The following PALLD variants were observed in gnomAD, a reference collection of about 807,000 sequenced individuals.
The protein encoded by PALLD is palladin.
Under a neutral mutation model 123.5 loss-of-function variants are expected in PALLD, and 61 were observed. The observed-to-expected ratio is 0.49, with a 90% CI of 0.40 to 0.61. PALLD has a LOEUF of 0.61. Ranked by LOEUF, PALLD falls within the 20% of genes least tolerant of loss-of-function variation. The pLI, the probability that PALLD is intolerant of heterozygous loss-of-function variation, is 0.00. For synonymous variants in PALLD, 465 were observed against 496.4 expected (o/e 0.94, Z 0.84); for missense variants, 1,273 against 1,377.0 (o/e 0.92, Z 1.20).
intron 2 of PALLD, among the ~76,000 whole-genome samples, chr4:168,617,651 G>T (rs1774358540): frequency 6.6e-6 from 1 of 152,146 alleles, no homozygotes; most frequent in African/African-American, 2.4e-5. Flanking sequence ...TTTTTCGTGT[G>T]CATTTCAGTA....
intron 2 of PALLD, among the ~76,000 whole-genome samples, chr4:168,663,788 T>C (rs1779356887): frequency 6.6e-6 from 1 of 152,244 alleles, no homozygotes; most frequent in African/African-American, 2.4e-5. Flanking sequence ...CCTCATGCCA[T>C]TATTTGATAT....
intron 2 of PALLD, among the ~76,000 whole-genome samples, chr4:168,546,166 A>C (rs1250807290): frequency 1.2e-4 from 19 of 152,286 alleles, no homozygotes; most frequent in African/African-American, 4.8e-5. Flanking sequence ...GTGTGTATTC[A>C]TCTGAGAAAC....
chr4:168,803,535 A>G (rs1739671201), intron 10 of PALLD, among the ~76,000 whole-genome samples: 1 of 152,070 alleles, frequency 6.6e-6, no homozygotes, highest in Admixed American at 6.5e-5. Context: ...TAATCAAAAA[A>G]ATTAGCTGGG....
intron 2 of PALLD, among the ~76,000 whole-genome samples, chr4:168,566,112 C>T (rs1768350813): frequency 6.6e-6 from 1 of 152,042 alleles, no homozygotes; most frequent in African/African-American, 2.4e-5. Context: ...ATCTCTTTGG[C>T]CATCATCCCA....
intron 2 of PALLD, among the ~76,000 whole-genome samples, chr4:168,665,162 C>T (rs1398888564): frequency 6.6e-6 from 1 of 152,178 alleles, no homozygotes; most frequent in Non-Finnish European, 1.5e-5. Flanking sequence ...AGATCACAGG[C>T]CCACACTGGA....
intron 2 of PALLD, among the ~76,000 whole-genome samples, chr4:168,538,048 A>T (rs996564960): frequency 1.3e-5 from 2 of 152,212 alleles, no homozygotes; most frequent in African/African-American, 4.8e-5. Flanking sequence ...TTTAACACAC[A>T]AGAGTGGCAA....
intron 10 of PALLD, among the ~76,000 whole-genome samples, chr4:168,805,861 C>G (rs1262403624): frequency 6.6e-6 from 1 of 152,150 alleles, no homozygotes; most frequent in Non-Finnish European, 1.5e-5. Context: ...TGTACCTGAC[C>G]TAGTATCTAG....
At chr4:168,597,523 T>G (rs1244159833) in intron 2 of PALLD, among the ~76,000 whole-genome samples, 1 of 152,128 alleles carries the variant, frequency 6.6e-6, no homozygotes, top group Non-Finnish European at 1.5e-5. Context: ...CTGCCTGGCA[T>G]AGCTCTCTAC....
chr4:168,732,233 G>A (rs961751700), intron 10 of PALLD, among the ~76,000 whole-genome samples: 11 of 152,160 alleles, frequency 7.2e-5, no homozygotes, highest in South Asian at 4.1e-4. Flanking sequence ...AAGAGTTTCC[G>A]AAGAACTTGT....
At chr4:168,771,852 A>C (rs542551099) in intron 10 of PALLD, among the ~76,000 whole-genome samples, 5 of 152,208 alleles carry the variant, frequency 3.3e-5, no homozygotes, top group Admixed American at 1.3e-4. Context: ...GATTCTAGGG[A>C]GGGCAGCAGC....
At chr4:168,881,948 C>T (rs967257599) in intron 10 of PALLD, among the ~76,000 whole-genome samples, 1 of 152,132 alleles carries the variant, frequency 6.6e-6, no homozygotes, top group Non-Finnish European at 1.5e-5. Context: ...CAGATCAGAC[C>T]CATCCCTGGA....
chr4:168,577,710 G>A (rs1007694628), intron 2 of PALLD, among the ~76,000 whole-genome samples: 1 of 151,806 alleles, frequency 6.6e-6, no homozygotes, highest in African/African-American at 2.4e-5. Flanking sequence ...ACTCTTGGAG[G>A]ACCCAAGAGT....
chr4:168,722,259 A>G (rs1018004759), intron 10 of PALLD, among the ~76,000 whole-genome samples: 6 of 152,120 alleles, frequency 3.9e-5, no homozygotes, highest in African/African-American at 1.2e-4. Flanking sequence ...TTGCCCAGCC[A>G]GGTCTCAAGC....
intron 10 of PALLD, among the ~76,000 whole-genome samples, chr4:168,807,153 T>C (rs1050838639): frequency 1.3e-5 from 2 of 151,920 alleles, no homozygotes; most frequent in Non-Finnish European, 2.9e-5. Flanking sequence ...GAAAGCAACC[T>C]AAGTAAAAGT....
chr4:168,830,248 A>T (rs1744006234), intron 10 of PALLD, among the ~76,000 whole-genome samples: 1 of 151,772 alleles, frequency 6.6e-6, no homozygotes, highest in Non-Finnish European at 1.5e-5. Flanking sequence ...AAAAAAAAAA[A>T]AAAAAGTTAT....
rs570563131 is a variant in PALLD, at chr4:168,607,289, C to G, written c.909-60901C>G. Among the ~76,000 whole-genome samples, 6 of 152,318 alleles carry G rather than the reference C, an allele frequency of 3.9e-5. No homozygotes were observed. In the East Asian group the frequency reaches 7.7e-4, roughly 20 times the overall value. Reference sequence around the variant, plus strand: ...TCTTTGGAGCATCTGCCTGTCTCCCCTTTCATTCCCACCACACTTAATGTA... The same window carrying G: ...TCTTTGGAGCATCTGCCTGTCTCCCGTTTCATTCCCACCACACTTAATGTA... On this transcript the variant is annotated intron_variant, in intron 2 of 21. Transcript: ENST00000505667.
chr4:168,927,588 A>G lies in PALLD; in HGVS notation c.*1408A>G, dbSNP rs1560944691. The G allele has an allele frequency of 4.4e-6, 1 of 229,736 alleles. No individual in the cohort carries two copies. The highest frequency in any genetic ancestry group is 6.2e-5 in the East Asian group (1 of 16,218). 14.2% of individuals were successfully genotyped at this position (229,736 alleles called of 1,614,324 possible). On this transcript the variant is annotated 3_prime_UTR_variant, in exon 22 of 22. Coordinates refer to ENST00000505667, the MANE Select transcript of PALLD (RefSeq NM_001166108.2). ...GGAGAGACAAAAACAGGTTTGTGCC[A>G]TAAAGTATTTTTTCAAAGACACCAA... is the stretch of plus-strand genomic sequence containing the variant.
chr4:168,722,146 G>A (rs991609335), intron 10 of PALLD, among the ~76,000 whole-genome samples: 2 of 152,124 alleles, frequency 1.3e-5, no homozygotes, highest in African/African-American at 4.8e-5. Context: ...CTGGGCTCAG[G>A]TGATCCTCCT....
At chr4:168,735,185 A>G (rs894467777) in intron 10 of PALLD, among the ~76,000 whole-genome samples, 4 of 152,074 alleles carry the variant, frequency 2.6e-5, no homozygotes. Context: ...CTGAGTTCAA[A>G]AGTTATGTGC....
Sources: allele counts gnomAD v4.1 joint callset (sites outside exome capture counted in the v4.1 genomes callset), GRCh38; gene constraint gnomAD v4.1.1; transcripts MANE v1.5; gene names NCBI Gene and HGNC (gene_info 2026-07-23, HGNC 2026-07-21).